The following NEGR1 variants were observed in gnomAD, a reference collection of about 807,000 sequenced individuals.
NEGR1 encodes the protein neuronal growth regulator 1.
NEGR1 carries 10 observed loss-of-function variants against 40.9 expected under a neutral mutation model. That is an observed-to-expected ratio of 0.24 (90% CI 0.15 to 0.42). The LOEUF is 0.42. Among genes scored for constraint, NEGR1 ranks in the 10% least tolerant of loss-of-function variants. NEGR1 has a pLI of 1.00. For synonymous variants in NEGR1, 185 were observed against 166.8 expected, an observed-to-expected ratio of 1.11 and a Z score of -0.84; for missense variants, 352 against 438.9, an observed-to-expected ratio of 0.80 and a Z score of 1.77.
At chr1:72,240,410 A>T (rs1654694338) in intron 1 of NEGR1, among the ~76,000 whole-genome samples, 2 of 151,858 alleles carry the variant, frequency 1.3e-5, no homozygotes, top group Admixed American at 1.3e-4. Context: ...AAATAAGCAA[A>T]CTTCCCATTT....
At chr1:72,126,088 AGTATGTGT>A (rs1467933970) in intron 1 of NEGR1, among the ~76,000 whole-genome samples, 58 of 129,416 alleles carry the variant, frequency 4.5e-4, no homozygotes, top group Middle Eastern at 3.9e-3. Context: ...ATTAGAGAAA[AGTATGTGT>A]GTGTGTGTGT....
At chr1:72,230,052 T>G (rs1445730549) in intron 1 of NEGR1, among the ~76,000 whole-genome samples, 1 of 152,052 alleles carries the variant, frequency 6.6e-6, no homozygotes, top group Non-Finnish European at 1.5e-5. Context: ...GCAACCACAT[T>G]GGGTAGGATA....
At chr1:71,591,946 G>A (rs530793745) in intron 6 of NEGR1, among the ~76,000 whole-genome samples, 2 of 152,116 alleles carry the variant, frequency 1.3e-5, no homozygotes, top group South Asian at 2.1e-4. Flanking sequence ...ACTATAACAA[G>A]ATCGTAAGAC....
chr1:71,557,513 G>A (rs1570028173), intron 6 of NEGR1, among the ~76,000 whole-genome samples: 1 of 151,628 alleles, frequency 6.6e-6, no homozygotes. Flanking sequence ...GTCTCTAGTT[G>A]TTTAATCTCA....
At chr1:71,511,275 A>G (rs1647071008) in intron 6 of NEGR1, among the ~76,000 whole-genome samples, 1 of 152,234 alleles carries the variant, frequency 6.6e-6, no homozygotes, top group South Asian at 2.1e-4. Flanking sequence ...ACATGTTATG[A>G]TGCTTTTAAT....
chr1:71,908,188 A>G, intron 2 of NEGR1, among the ~76,000 whole-genome samples: 1 of 151,616 alleles, frequency 6.6e-6, no homozygotes, highest in South Asian at 2.1e-4. Flanking sequence ...AATGATATAA[A>G]ATAGAACCAC....
At chr1:71,872,107 C>A (rs567994684) in intron 2 of NEGR1, among the ~76,000 whole-genome samples, 1 of 152,064 alleles carries the variant, frequency 6.6e-6, no homozygotes, top group South Asian at 2.1e-4. Context: ...AATTGGTGAA[C>A]AACTATAGTC....
intron 1 of NEGR1, among the ~76,000 whole-genome samples, chr1:72,044,330 TA>T (rs534733009): frequency 5.4e-3 from 712 of 131,444 alleles, no homozygotes; most frequent in East Asian, 7.1e-3. Context: ...AGGTCTAAGT[TA>T]AAAAAAAAAA....
At chr1:71,633,268 C>T (rs1301942548) in intron 4 of NEGR1, among the ~76,000 whole-genome samples, 2 of 152,204 alleles carry the variant, frequency 1.3e-5, no homozygotes, top group East Asian at 1.9e-4. Flanking sequence ...TCAGTAGATG[C>T]CACAGAAATT....
chr1:71,592,077 A>G (rs952973085), intron 6 of NEGR1, among the ~76,000 whole-genome samples: 14 of 152,062 alleles, frequency 9.2e-5, no homozygotes, highest in Non-Finnish European at 1.9e-4. Flanking sequence ...CATTTTGAGA[A>G]ACATTTGATT....
intron 5 of NEGR1, among the ~76,000 whole-genome samples, chr1:71,594,664 CT>C (rs1649630252): frequency 6.6e-6 from 1 of 152,130 alleles, no homozygotes; most frequent in African/African-American, 2.4e-5. Flanking sequence ...AGCTTTTATT[CT>C]TCTCTCTCAT....
At chr1:72,039,529 T>C (rs2100453763) in intron 1 of NEGR1, among the ~76,000 whole-genome samples, 1 of 152,072 alleles carries the variant, frequency 6.6e-6, no homozygotes, top group Non-Finnish European at 1.5e-5. Flanking sequence ...CATTTTGCAT[T>C]TAACAGTAAG....
intron 1 of NEGR1, among the ~76,000 whole-genome samples, chr1:72,098,192 G>C (rs983999020): frequency 1.3e-5 from 2 of 152,062 alleles, no homozygotes; most frequent in South Asian, 4.1e-4. Context: ...ATCTACCTAT[G>C]ACCATGACAA....
intron 1 of NEGR1, among the ~76,000 whole-genome samples, chr1:71,965,236 C>T (rs1570560675): frequency 6.6e-6 from 1 of 152,204 alleles, no homozygotes; most frequent in East Asian, 1.9e-4. Flanking sequence ...AAGGTAGGAC[C>T]AAGGCACAAA....
At chr1:71,821,808 C>T (rs1441661803) in intron 2 of NEGR1, among the ~76,000 whole-genome samples, 3 of 151,896 alleles carry the variant, frequency 2.0e-5, no homozygotes, top group Non-Finnish European at 4.4e-5. Context: ...CAGCTCCAAA[C>T]GATGATTATC....
At chr1:71,622,450 T>C (rs1285656513) in intron 4 of NEGR1, among the ~76,000 whole-genome samples, 3 of 151,942 alleles carry the variant, frequency 2.0e-5, no homozygotes, top group African/African-American at 7.2e-5. Flanking sequence ...CTTTCTTAAA[T>C]AAAAATTATT....
intron 6 of NEGR1, chr1:71,408,965 G>T (rs925487727): frequency 1.3e-5 from 2 of 152,098 alleles, no homozygotes; most frequent in Non-Finnish European, 2.9e-5. Context: ...AGATACATTG[G>T]TCCCTGCAGT....
intron 6 of NEGR1, among the ~76,000 whole-genome samples, chr1:71,554,656 C>A (rs1369723102): frequency 6.6e-6 from 1 of 151,524 alleles, no homozygotes; most frequent in Non-Finnish European, 1.5e-5. Context: ...CTTCACAGAA[C>A]CTACTCTCCT....
chr1:71,468,254 C>CT (rs1553144014), intron 6 of NEGR1: 2 of 151,876 alleles, frequency 1.3e-5, no homozygotes, highest in Non-Finnish European at 2.9e-5. Flanking sequence ...GTGTCTAACT[C>CT]TAACTATTAA....
Sources: allele counts gnomAD v4.1 joint callset (sites outside exome capture counted in the v4.1 genomes callset), GRCh38; gene constraint gnomAD v4.1.1; transcripts MANE v1.5; gene names NCBI Gene and HGNC (gene_info 2026-07-23, HGNC 2026-07-21).